CARHSP1: variants seen among roughly 807,000 people sequenced by gnomAD.
CARHSP1 encodes the protein calcium regulated heat stable protein 1.
In CARHSP1, 14 loss-of-function variants were observed where a neutral mutation model predicts 12.5. The ratio of observed to expected loss-of-function variants is 1.12; its 90% confidence interval spans 0.74 to 1.75. The LOEUF is 1.75. CARHSP1 is among the 40% of genes most tolerant of loss of function. CARHSP1 has a pLI of 0.00. For missense variants in CARHSP1, 343 were observed against 201.6 expected, an observed-to-expected ratio of 1.70 and a Z score of -4.25; for synonymous variants, 161 against 82.0, an observed-to-expected ratio of 1.96 and a Z score of -5.20.
chr16:8,855,907 C>G (rs1392924948), intron 3 of CARHSP1, among the ~76,000 whole-genome samples: 2 of 152,200 alleles, frequency 1.3e-5, no homozygotes, highest in Non-Finnish European at 1.5e-5. Context: ...ACTGCATCCA[C>G]CTCCCGAGTT....
chr16:8,857,271 T>TTTTTTTTG (rs2061155726), intron 3 of CARHSP1, among the ~76,000 whole-genome samples: 3 of 26,184 alleles, frequency 1.1e-4, no homozygotes, highest in Non-Finnish European at 1.6e-4. Flanking sequence ...CTGTTTTTTT[T>TTTTTTTTG]TTTTTTTTTT....
At chr16:8,856,539 C>T (rs2061115925) in intron 3 of CARHSP1, among the ~76,000 whole-genome samples, 1 of 151,568 alleles carries the variant, frequency 6.6e-6, no homozygotes, top group Non-Finnish European at 1.5e-5. Flanking sequence ...ATGGAAATAC[C>T]CTTACACATC....
At chr16:8,865,116 T>C (rs1184523439) in intron 1 of CARHSP1, among the ~76,000 whole-genome samples, 1 of 152,186 alleles carries the variant, frequency 6.6e-6, no homozygotes, top group African/African-American at 2.4e-5. Flanking sequence ...TCCATTCATT[T>C]TTGTTTTTGT....
chr16:8,857,283 T>G (rs949089574), intron 3 of CARHSP1, among the ~76,000 whole-genome samples: 5,143 of 125,546 alleles, frequency 0.041, 906 homozygotes, highest in African/African-American at 0.13. Flanking sequence ...TTTTTTTTTT[T>G]TTTTTTTTTT....
In CARHSP1 at chr16:8,853,273, G is replaced by T. The variant is rs1384953780; in HGVS notation, c.*1891C>A. On this transcript the variant is annotated 3_prime_UTR_variant, in exon 4 of 4. Coordinates refer to ENST00000311052, the MANE Select transcript of CARHSP1 (RefSeq NM_014316.4). ...GAAAGCCCTCTCGGGTCTTGGCTGT[G>T]GAAGTGTGGACTGTACCAGCAGATG... The T allele has an allele frequency of 6.6e-6, 1 of 152,134 alleles. No homozygotes were observed. The highest frequency in any genetic ancestry group is 1.5e-5 in the Non-Finnish European group (1 of 68,056). The allele number at this position is 152,134 out of a possible 1,614,324, so 9.4% of individuals were successfully genotyped here. A position where few individuals can be genotyped will look rare whatever the true frequency, so the allele number is the denominator to read the frequency against.
chr16:8,861,587 C>T (rs1400220513), intron 1 of CARHSP1: 1 of 1,280,454 alleles, frequency 7.8e-7, no homozygotes, highest in Admixed American at 2.3e-5. Context: ...GACATTGCTG[C>T]ACTCTCCCGT....
chr16:8,865,522 C>T (rs1410701681), intron 1 of CARHSP1, among the ~76,000 whole-genome samples: 1 of 152,216 alleles, frequency 6.6e-6, no homozygotes, highest in East Asian at 1.9e-4. Flanking sequence ...AGAACCTCTC[C>T]AAGCCTGCTC....
Position 8,866,575 on chromosome 16 carries a change from T to G in CARHSP1, c.-8+2391A>C, listed in dbSNP as rs554420738. 3 of 469,510 alleles carry G rather than the reference T, an allele frequency of 6.4e-6. No individual in the cohort carries two copies. The Admixed American group carries it at 1.9e-4, about 30-fold the overall frequency. 29.1% of individuals were successfully genotyped at this position (469,510 alleles called of 1,614,324 possible). A position where few individuals can be genotyped will look rare whatever the true frequency, so the allele number is the denominator to read the frequency against. On this transcript the variant is annotated intron_variant, in intron 1 of 3. Coordinates refer to ENST00000311052, the MANE Select transcript of CARHSP1 (RefSeq NM_014316.4). The stretch of plus-strand genomic sequence containing the variant: ...AGCTGAGCCCAGATAGAAGGGTCCC[T>G]GGAAGCGATAGAGGCCGAGAACGAG...
chr16:8,861,158 A>ATTTT (rs765114977), intron 1 of CARHSP1, among the ~76,000 whole-genome samples: 5 of 51,268 alleles, frequency 9.8e-5, no homozygotes, highest in African/African-American at 2.6e-4. Context: ...TCCATGCCTA[A>ATTTT]TTTTTTTTTT....
At chr16:8,857,968 T>C (rs2061202216) in intron 3 of CARHSP1, 1 of 181,382 alleles carries the variant, frequency 5.5e-6, no homozygotes, top group Non-Finnish European at 1.2e-5. Flanking sequence ...GATTTCACCA[T>C]TAGCCAGAAT....
At chr16:8,860,640 G>T in intron 1 of CARHSP1, 1 of 221,938 alleles carries the variant, frequency 4.5e-6, no homozygotes, top group South Asian at 2.0e-4. Flanking sequence ...GGGGGTACGA[G>T]ATGAAGTAGG....
chr16:8,861,856 A>T, intron 1 of CARHSP1: 1 of 1,187,592 alleles, frequency 8.4e-7, no homozygotes, highest in Non-Finnish European at 1.1e-6. Flanking sequence ...CTGGGAGGGG[A>T]GGGCCCTGTC....
chr16:8,867,286 TG>T (rs2061469542), intron 1 of CARHSP1: 1 of 152,272 alleles, frequency 6.6e-6, no homozygotes, highest in Non-Finnish European at 1.5e-5. Context: ...CCACTCCCTC[TG>T]TGACCCCTGC....
In CARHSP1 at chr16:8,854,154, G is replaced by C. The variant is rs942568906; in HGVS notation, c.*1010C>G. On this transcript the variant is annotated 3_prime_UTR_variant, in exon 4 of 4. Transcript: ENST00000311052. ...GAGCCGGCTCTGGGTGAAAGCTTTA[G>C]TTATGAAAAATAAGAAAAAAAAAAT... is the stretch of plus-strand genomic sequence containing the variant. 2 of 151,354 alleles carry C rather than the reference G, an allele frequency of 1.3e-5. No individual in the cohort carries two copies. The highest frequency in any genetic ancestry group is 4.8e-5 in the African/African-American group (2 of 41,240). 9.4% of individuals were successfully genotyped at this position (151,354 alleles called of 1,614,324 possible).
At chr16:8,855,679 G>A (rs927162013) in intron 3 of CARHSP1, among the ~76,000 whole-genome samples, 2 of 150,706 alleles carry the variant, frequency 1.3e-5, no homozygotes, top group Admixed American at 1.4e-4. Context: ...CAGAGAGCCA[G>A]AGAGAAACAA....
intron 1 of CARHSP1, chr16:8,861,771 C>G: frequency 7.8e-7 from 1 of 1,275,966 alleles, no homozygotes; most frequent in Admixed American, 2.4e-5. Flanking sequence ...GGCCAGGGCC[C>G]CCGCATGACC....
Position 8,859,342 on chromosome 16 carries a change from A to C in CARHSP1, c.-7-7T>G. On this transcript the variant is annotated splice_region_variant and splice_polypyrimidine_tract_variant and intron_variant, in intron 1 of 3. Transcript: ENST00000311052. The stretch of plus-strand genomic sequence containing the variant: ...CTCAGATGACATGGCTGACCTGGAA[A>C]GAGAAGAGGCTGTCAGGGGCTCGTG... The C allele has an allele frequency of 1.3e-6, 2 of 1,597,698 alleles. No individual in the cohort carries two copies. The highest frequency in any genetic ancestry group is 8.5e-7 in the Non-Finnish European group (1 of 1,178,128).
Position 8,854,304 on chromosome 16 carries a change from C to A in CARHSP1, c.*860G>T, listed in dbSNP as rs970697562. On this transcript the variant is annotated 3_prime_UTR_variant, in exon 4 of 4. Transcript: ENST00000311052. ...GCTACCTACTCTTTTCTGGATGGAT[C>A]GGGACAAAGTTTTTAAACAAAGACT... 3.3e-5 allele frequency: 5 copies of A among 152,194 alleles called. No homozygotes were observed. The highest frequency in any genetic ancestry group is 5.9e-5 in the Non-Finnish European group (4 of 68,042). 9.4% of individuals were successfully genotyped at this position (152,194 alleles called of 1,614,324 possible).
At chr16:8,864,504 T>C (rs2061423117) in intron 1 of CARHSP1, among the ~76,000 whole-genome samples, 1 of 152,176 alleles carries the variant, frequency 6.6e-6, no homozygotes, top group Admixed American at 6.5e-5. Flanking sequence ...ATTTCACTAA[T>C]GGGAGAACGG....
Sources: allele counts gnomAD v4.1 joint callset (sites outside exome capture counted in the v4.1 genomes callset), GRCh38; gene constraint gnomAD v4.1.1; transcripts MANE v1.5; gene names NCBI Gene and HGNC (gene_info 2026-07-23, HGNC 2026-07-21).